Variants in DOCK1 observed in about 807,000 individuals in gnomAD.
DOCK1 encodes the protein dedicator of cytokinesis 1, also known as dedicator of cytokinesis protein 1.
A neutral mutation model predicts 262.7 loss-of-function variants in DOCK1; 138 were observed. That is an observed-to-expected ratio of 0.53 (90% CI 0.46 to 0.61). The LOEUF (loss-of-function observed/expected upper bound fraction) is 0.61, where lower values mean the gene tolerates loss of function less well. Among genes scored for constraint, DOCK1 ranks in the 20% least tolerant of loss-of-function variants. The probability of loss-of-function intolerance (pLI) is 0.00; values close to 1 mark genes in which losing one functional copy is unlikely to be tolerated. For missense variants in DOCK1, 1,908 were observed against 2,370.7 expected (o/e 0.80, Z 4.05); for synonymous variants, 866 against 867.4 (o/e 1.00, Z 0.03).
intron 28 of DOCK1, among the ~76,000 whole-genome samples, chr10:127,249,378 T>C (rs1161288521): frequency 2.4e-5 from 3 of 123,744 alleles, no homozygotes; most frequent in African/African-American, 6.1e-5. Flanking sequence ...TATATACACA[T>C]ATGTACATAT....
chr10:127,436,669 AT>A (rs1176365658), intron 48 of DOCK1, among the ~76,000 whole-genome samples: 1 of 152,244 alleles, frequency 6.6e-6, no homozygotes, highest in South Asian at 2.1e-4. Context: ...CAAATCTCAA[AT>A]ATCATATTTT....
At chr10:126,959,390 T>C (rs2037013771) in intron 1 of DOCK1, among the ~76,000 whole-genome samples, 2 of 152,188 alleles carry the variant, frequency 1.3e-5, no homozygotes, top group Non-Finnish European at 2.9e-5. Flanking sequence ...CTTTGTCTCA[T>C]AATGTTATGC....
At chr10:126,923,632 A>G (rs1031404629) in intron 1 of DOCK1, among the ~76,000 whole-genome samples, 3 of 152,186 alleles carry the variant, frequency 2.0e-5, no homozygotes, top group Admixed American at 6.5e-5. Flanking sequence ...TCAAAACAAC[A>G]ACAAAAACAA....
intron 25 of DOCK1, among the ~76,000 whole-genome samples, chr10:127,124,955 T>A (rs868430754): frequency 1.2e-3 from 167 of 145,024 alleles, no homozygotes; most frequent in African/African-American, 3.9e-3. Context: ...CTACTAAAAA[T>A]AAAAAAAAAA....
intron 31 of DOCK1, among the ~76,000 whole-genome samples, chr10:127,347,656 G>A (rs1003811520): frequency 2.0e-5 from 3 of 151,374 alleles, no homozygotes; most frequent in East Asian, 3.9e-4. Context: ...TTGGAGCCCC[G>A]TGGAGCTTGA....
At chr10:127,196,969 G>C (rs1488351470) in intron 27 of DOCK1, among the ~76,000 whole-genome samples, 1 of 152,138 alleles carries the variant, frequency 6.6e-6, no homozygotes, top group African/African-American at 2.4e-5. Flanking sequence ...GTGCCAGCCA[G>C]CCTGGCCCGG....
intron 21 of DOCK1, among the ~76,000 whole-genome samples, chr10:127,051,613 A>C (rs1050977121): frequency 1.3e-5 from 2 of 152,020 alleles, no homozygotes; most frequent in African/African-American, 4.8e-5. Context: ...ACAAGGTTTC[A>C]CTCTTGTCGT....
At chr10:126,915,737 C>A (rs2032411578) in intron 1 of DOCK1, among the ~76,000 whole-genome samples, 1 of 152,160 alleles carries the variant, frequency 6.6e-6, no homozygotes, top group South Asian at 2.1e-4. Context: ...AGGCGTGAGC[C>A]ACCGTGCCTG....
At chr10:127,354,004 G>A (rs1011813993) in intron 31 of DOCK1, among the ~76,000 whole-genome samples, 2 of 135,976 alleles carry the variant, frequency 1.5e-5, no homozygotes, top group Admixed American at 7.2e-5. Flanking sequence ...TTTAATATCA[G>A]CTTTTTCCTT....
intron 27 of DOCK1, among the ~76,000 whole-genome samples, chr10:127,150,213 C>T (rs1483632151): frequency 6.6e-6 from 1 of 152,202 alleles, no homozygotes; most frequent in East Asian, 1.9e-4. Flanking sequence ...GCCCAAGGAA[C>T]TCACTGGGTT....
chr10:126,982,536 A>G (rs186900095), intron 4 of DOCK1, among the ~76,000 whole-genome samples: 1 of 152,340 alleles, frequency 6.6e-6, no homozygotes, highest in African/African-American at 2.4e-5. Context: ...ACTTGGAAGA[A>G]GGAACATTAA....
At chr10:127,052,367 A>G (rs1360975854) in intron 21 of DOCK1, among the ~76,000 whole-genome samples, 1 of 152,166 alleles carries the variant, frequency 6.6e-6, no homozygotes, top group Non-Finnish European at 1.5e-5. Context: ...CTACTAAAAT[A>G]CAAAAAATTA....
chr10:126,967,361 T>A (rs1218316559), intron 1 of DOCK1, among the ~76,000 whole-genome samples: 1 of 152,194 alleles, frequency 6.6e-6, no homozygotes, highest in Non-Finnish European at 1.5e-5. Flanking sequence ...TACATGGTTC[T>A]TGTTTTTCTC....
intron 29 of DOCK1, among the ~76,000 whole-genome samples, chr10:127,326,971 G>T (rs931066112): frequency 2.0e-5 from 3 of 152,198 alleles, no homozygotes; most frequent in Non-Finnish European, 2.9e-5. Context: ...TCTTGTTTCT[G>T]AGTATCAGGT....
intron 38 of DOCK1, among the ~76,000 whole-genome samples, chr10:127,399,176 G>T (rs754402935): frequency 6.6e-6 from 1 of 152,154 alleles, no homozygotes; most frequent in Non-Finnish European, 1.5e-5. Flanking sequence ...TAAGGATTTC[G>T]CATCAGAAAA....
chr10:127,192,843 G>A (rs575385848), intron 27 of DOCK1: 1 of 152,200 alleles, frequency 6.6e-6, no homozygotes, highest in Admixed American at 6.5e-5. Flanking sequence ...ATCCTGTCAG[G>A]GTCCCTATAG....
intron 27 of DOCK1, among the ~76,000 whole-genome samples, chr10:127,228,447 G>A (rs2058720802): frequency 6.6e-6 from 1 of 152,166 alleles, no homozygotes; most frequent in Admixed American, 6.5e-5. Context: ...GCTATAAAAA[G>A]CCTGTTTGCA....
chr10:127,053,879 G>T (rs1591824533), intron 22 of DOCK1, among the ~76,000 whole-genome samples: 1 of 152,192 alleles, frequency 6.6e-6, no homozygotes, highest in East Asian at 1.9e-4. Context: ...CCCTCTGCTT[G>T]TTTTTTTGGG....
At chr10:126,956,394 C>G (rs996582326) in intron 1 of DOCK1, among the ~76,000 whole-genome samples, 10 of 152,180 alleles carry the variant, frequency 6.6e-5, no homozygotes, top group Non-Finnish European at 1.3e-4. Context: ...AGCATCTACC[C>G]TCTGTCTAGT....
Sources: allele counts gnomAD v4.1 joint callset (sites outside exome capture counted in the v4.1 genomes callset), GRCh38; gene constraint gnomAD v4.1.1; transcripts MANE v1.5; gene names NCBI Gene and HGNC (gene_info 2026-07-23, HGNC 2026-07-21).